Variants in CATSPERT observed in about 807,000 individuals in gnomAD.
CATSPERT encodes the protein catsper channel auxiliary subunit tau, also known as cation channel sperm-associated targeting subunit tau.
chr2:201,551,806 G>A, the CATSPERT span, among the ~76,000 whole-genome samples: 1 of 151,842 alleles, frequency 6.6e-6, no homozygotes, highest in African/African-American at 2.4e-5. Context: ...TACTCAGGAG[G>A]CTGAGGCAGG....
At chr2:201,584,947 C>G in the CATSPERT span, among the ~76,000 whole-genome samples, 1 of 151,768 alleles carries the variant, frequency 6.6e-6, no homozygotes, top group African/African-American at 2.4e-5. Context: ...ATATAACACA[C>G]ACAGAAAGAG....
the CATSPERT span, among the ~76,000 whole-genome samples, chr2:201,541,531 T>TTATATATATATATATA: frequency 1.6e-4 from 15 of 92,738 alleles, no homozygotes; most frequent in East Asian, 2.9e-4. Flanking sequence ...TCAGATGATT[T>TTATATATATATATATA]TATATATATA....
the CATSPERT span, among the ~76,000 whole-genome samples, chr2:201,509,013 C>A: frequency 6.6e-6 from 1 of 151,098 alleles, no homozygotes; most frequent in Non-Finnish European, 1.5e-5. Context: ...AGGTATGTAT[C>A]TATGTATCAG....
the CATSPERT span, chr2:201,534,537 C>G: frequency 1.0e-6 from 1 of 982,350 alleles, no homozygotes; most frequent in Non-Finnish European, 1.2e-6. Flanking sequence ...AACAAAATCC[C>G]CAAGTCTTCA....
the CATSPERT span, among the ~76,000 whole-genome samples, chr2:201,606,049 A>C: frequency 6.6e-6 from 1 of 152,246 alleles, no homozygotes; most frequent in Non-Finnish European, 1.5e-5. Flanking sequence ...AGAAGCATAA[A>C]GGGTCAGAGA....
the CATSPERT span, among the ~76,000 whole-genome samples, chr2:201,532,239 C>CT: frequency 6.6e-6 from 1 of 152,092 alleles, no homozygotes; most frequent in African/African-American, 2.4e-5. Context: ...TTATTTTTGT[C>CT]TTTTTTGAAT....
the CATSPERT span, chr2:201,491,845 A>T: frequency 6.5e-7 from 1 of 1,536,974 alleles, no homozygotes; most frequent in Non-Finnish European, 8.7e-7. Flanking sequence ...TGGGTCTTGA[A>T]TCTCTGTTTT....
the CATSPERT span, among the ~76,000 whole-genome samples, chr2:201,543,847 T>C: frequency 6.6e-6 from 1 of 152,154 alleles, no homozygotes; most frequent in Non-Finnish European, 1.5e-5. Flanking sequence ...AGTACTATAC[T>C]TTAACTTGCT....
chr2:201,511,273 G>T, the CATSPERT span, among the ~76,000 whole-genome samples: 1 of 152,054 alleles, frequency 6.6e-6, no homozygotes, highest in Non-Finnish European at 1.5e-5. Context: ...TCTACTTTTC[G>T]TACTTATCCT....
chr2:201,560,020 C>T, the CATSPERT span, among the ~76,000 whole-genome samples: 9 of 152,182 alleles, frequency 5.9e-5, no homozygotes, highest in South Asian at 2.1e-4. Context: ...TACAGACAGA[C>T]AATTAAATCA....
At chr2:201,528,382 A>G in the CATSPERT span, among the ~76,000 whole-genome samples, 1 of 152,202 alleles carries the variant, frequency 6.6e-6, no homozygotes, top group Non-Finnish European at 1.5e-5. Context: ...AAACAGAACT[A>G]CCACTTGACC....
chr2:201,492,218 G>A, the CATSPERT span: 1 of 1,518,798 alleles, frequency 6.6e-7, no homozygotes, highest in Non-Finnish European at 8.8e-7. Context: ...TCCACAAAGT[G>A]ACAGTCATCT....
At chr2:201,563,229 T>G in the CATSPERT span, among the ~76,000 whole-genome samples, 1 of 108,996 alleles carries the variant, frequency 9.2e-6, no homozygotes, top group African/African-American at 3.7e-5. Flanking sequence ...GGCGGCTGGC[T>G]GGGCAGAGGG....
chr2:201,603,701 T>C, the CATSPERT span, among the ~76,000 whole-genome samples: 7 of 152,234 alleles, frequency 4.6e-5, no homozygotes, highest in Non-Finnish European at 1.0e-4. Context: ...CAATGATTCA[T>C]TGGCTATAAC....
the CATSPERT span, among the ~76,000 whole-genome samples, chr2:201,564,780 G>C: frequency 3.9e-5 from 6 of 152,108 alleles, no homozygotes; most frequent in South Asian, 1.2e-3. Flanking sequence ...CTTAATCTTG[G>C]ATGTCCCAGC....
chr2:201,575,439 C>G, the CATSPERT span: 1 of 624,100 alleles, frequency 1.6e-6, no homozygotes, highest in Non-Finnish European at 2.5e-6. Context: ...GGTCCATGGC[C>G]CATTAGGAAC....
At chr2:201,569,552 C>A in the CATSPERT span, among the ~76,000 whole-genome samples, 1 of 152,116 alleles carries the variant, frequency 6.6e-6, no homozygotes, top group Non-Finnish European at 1.5e-5. Flanking sequence ...TTAAGTTTCC[C>A]AATTCAGTGA....
At chr2:201,569,685 C>T in the CATSPERT span, among the ~76,000 whole-genome samples, 2 of 152,218 alleles carry the variant, frequency 1.3e-5, no homozygotes, top group Admixed American at 1.3e-4. Flanking sequence ...GTCTTCTGGA[C>T]CCTCCCAGGA....
the CATSPERT span, chr2:201,491,525 T>G: frequency 6.5e-7 from 1 of 1,535,956 alleles, no homozygotes; most frequent in East Asian, 2.4e-5. Flanking sequence ...TTTTTATTAT[T>G]GTTATTATTT....
Sources: gnomAD v4.1 joint callset for allele counts (sites outside exome capture counted in the v4.1 genomes callset) on GRCh38, gnomAD v4.1.1 for gene constraint, MANE v1.5 for transcripts, NCBI Gene and HGNC (gene_info 2026-07-23, HGNC 2026-07-21) for gene names.